Variants in CNTNAP2 observed in about 807,000 individuals in gnomAD.
CNTNAP2 encodes contactin-associated protein-like 2.
Under a neutral mutation model 155.2 loss-of-function variants are expected in CNTNAP2, and 98 were observed. The observed-to-expected ratio is 0.63, with a 90% confidence interval of 0.54 to 0.75. The LOEUF is 0.75. CNTNAP2 is among the 30% of genes least tolerant of loss of function. The pLI is 0.00. For synonymous variants in CNTNAP2, 651 were observed against 631.2 expected (o/e 1.03, Z -0.47); for missense variants, 1,727 against 1,688.1 (o/e 1.02, Z -0.40).
chr7:146,396,208 A>C (rs1795624910), intron 1 of CNTNAP2, among the ~76,000 whole-genome samples: 2 of 152,188 alleles, frequency 1.3e-5, no homozygotes, highest in Non-Finnish European at 2.9e-5. Context: ...AAGAATTTAC[A>C]AAATATATTT....
At chr7:146,792,908 T>G (rs868396092) in intron 2 of CNTNAP2, among the ~76,000 whole-genome samples, 1 of 152,324 alleles carries the variant, frequency 6.6e-6, no homozygotes, top group African/African-American at 2.4e-5. Flanking sequence ...GAACATGTTG[T>G]AGTCTATGTC....
chr7:147,957,457 G>A (rs1801036661), intron 14 of CNTNAP2, among the ~76,000 whole-genome samples: 1 of 152,178 alleles, frequency 6.6e-6, no homozygotes, highest in Admixed American at 6.5e-5. Flanking sequence ...GCAGTGGTCA[G>A]AAGTCAGCAT....
intron 13 of CNTNAP2, among the ~76,000 whole-genome samples, chr7:147,877,857 A>G (rs1799448552): frequency 6.6e-6 from 1 of 152,204 alleles, no homozygotes; most frequent in Non-Finnish European, 1.5e-5. Context: ...AATCTTTAAA[A>G]GATATTAAAT....
intron 2 of CNTNAP2, among the ~76,000 whole-genome samples, chr7:146,830,898 A>G (rs1803496400): frequency 6.6e-6 from 1 of 152,224 alleles, no homozygotes; most frequent in Non-Finnish European, 1.5e-5. Context: ...CTTCAAGCTG[A>G]CATCACCATT....
intron 21 of CNTNAP2, among the ~76,000 whole-genome samples, chr7:148,338,566 G>T (rs1798164570): frequency 6.6e-6 from 1 of 152,006 alleles, no homozygotes; most frequent in Admixed American, 6.6e-5. Flanking sequence ...GGGTGAGGGG[G>T]GGGTGAGTTA....
intron 1 of CNTNAP2, among the ~76,000 whole-genome samples, chr7:146,510,500 T>A (rs1009338937): frequency 6.6e-6 from 1 of 152,194 alleles, no homozygotes; most frequent in African/African-American, 2.4e-5. Context: ...ATTTTAGGGT[T>A]GCTTTTTCTA....
At chr7:147,806,101 G>C (rs994645232) in intron 13 of CNTNAP2, among the ~76,000 whole-genome samples, 3 of 152,154 alleles carry the variant, frequency 2.0e-5, no homozygotes, top group African/African-American at 7.2e-5. Context: ...AAACTATTCA[G>C]CTGAGAAGGA....
chr7:146,171,734 A>T (rs1156714896), intron 1 of CNTNAP2, among the ~76,000 whole-genome samples: 1 of 152,154 alleles, frequency 6.6e-6, no homozygotes, highest in African/African-American at 2.4e-5. Context: ...AAATAGTATC[A>T]TAAAACATAT....
At chr7:148,029,403 C>A (rs1157680088) in intron 15 of CNTNAP2, among the ~76,000 whole-genome samples, 1 of 152,134 alleles carries the variant, frequency 6.6e-6, no homozygotes, top group Non-Finnish European at 1.5e-5. Context: ...AGGTGTGAAT[C>A]TCTTTTGTTA....
At chr7:146,325,867 G>A (rs1385828095) in intron 1 of CNTNAP2, among the ~76,000 whole-genome samples, 1 of 152,138 alleles carries the variant, frequency 6.6e-6, no homozygotes, top group Non-Finnish European at 1.5e-5. Context: ...AATATGACAT[G>A]ATATGATGAC....
At chr7:148,406,246 G>GAAAT (rs113402581) in intron 22 of CNTNAP2, among the ~76,000 whole-genome samples, 25 of 151,534 alleles carry the variant, frequency 1.6e-4, no homozygotes, top group Non-Finnish European at 3.1e-4. Flanking sequence ...AATAAAGAAA[G>GAAAT]AAAGAAGGTC....
chr7:148,348,824 T>C (rs1000469445), intron 21 of CNTNAP2, among the ~76,000 whole-genome samples: 2 of 152,222 alleles, frequency 1.3e-5, no homozygotes, highest in African/African-American at 4.8e-5. Flanking sequence ...ATTCACTACC[T>C]AATCGGATGC....
intron 3 of CNTNAP2, among the ~76,000 whole-genome samples, chr7:146,998,740 T>A (rs910815580): frequency 1.4e-4 from 21 of 151,994 alleles, no homozygotes; most frequent in Non-Finnish European, 7.4e-5. Context: ...ATAATTATTA[T>A]ATCATCTTAT....
intron 4 of CNTNAP2, among the ~76,000 whole-genome samples, chr7:147,083,537 CATAT>C (rs67074589): frequency 4.7e-5 from 6 of 128,432 alleles, no homozygotes; most frequent in South Asian, 2.3e-4. Flanking sequence ...TATATATATA[CATAT>C]ATATATATGT....
chr7:146,863,584 T>A (rs1795146062), intron 3 of CNTNAP2, among the ~76,000 whole-genome samples: 1 of 152,070 alleles, frequency 6.6e-6, no homozygotes, highest in East Asian at 1.9e-4. Flanking sequence ...AAGAGAAGAA[T>A]TAGAAGACTT....
chr7:148,012,456 A>C (rs1802097757), intron 15 of CNTNAP2, among the ~76,000 whole-genome samples: 1 of 152,248 alleles, frequency 6.6e-6, no homozygotes, highest in Admixed American at 6.5e-5. Context: ...CAGTTATGCA[A>C]CAGGCATAAG....
intron 13 of CNTNAP2, among the ~76,000 whole-genome samples, chr7:147,775,352 TATATATTTATAA>T (rs1797562605): frequency 2.3e-5 from 1 of 44,190 alleles, no homozygotes; most frequent in African/African-American, 2.0e-4. Flanking sequence ...TATATATTTA[TATATATTTATAA>T]ATATATATAT....
At chr7:147,100,142 G>T (rs377739598) in intron 4 of CNTNAP2, among the ~76,000 whole-genome samples, 2 of 151,984 alleles carry the variant, frequency 1.3e-5, no homozygotes, top group East Asian at 1.9e-4. Context: ...GTGTATGGGG[G>T]GTGTATGTGT....
intron 3 of CNTNAP2, among the ~76,000 whole-genome samples, chr7:146,902,119 C>G (rs1796016639): frequency 6.6e-6 from 1 of 151,788 alleles, no homozygotes. Context: ...CTCCTAAACT[C>G]GTGATCCACC....
Sources: gnomAD v4.1 joint callset for allele counts (sites outside exome capture counted in the v4.1 genomes callset) on GRCh38, gnomAD v4.1.1 for gene constraint, MANE v1.5 for transcripts, NCBI Gene and HGNC (gene_info 2026-07-23, HGNC 2026-07-21) for gene names.